The following ABHD2 variants were observed in gnomAD, a reference collection of about 807,000 sequenced individuals.
ABHD2 encodes monoacylglycerol lipase ABHD2.
ABHD2 carries 20 observed loss-of-function variants against 48.1 expected under a neutral mutation model. The observed-to-expected ratio is 0.42, with a 90% CI of 0.29 to 0.60. The LOEUF is 0.60. Among genes scored for constraint, ABHD2 ranks in the 20% least tolerant of loss-of-function variants. The pLI, the probability that ABHD2 is intolerant of heterozygous loss-of-function variation, is 0.24. For synonymous variants in ABHD2, 209 were observed against 214.2 expected, an observed-to-expected ratio of 0.98 and a Z score of 0.21; for missense variants, 405 against 550.9, an observed-to-expected ratio of 0.74 and a Z score of 2.65.
At chr15:89,043,804 G>A in the ABHD2 span, among the ~76,000 whole-genome samples, 1 of 152,070 alleles carries the variant, frequency 6.6e-6, no homozygotes, top group African/African-American at 2.4e-5. Context: ...CAATCTACAA[G>A]GTATATCAGC....
At position 89,188,091 on chromosome 15, in the gene ABHD2, C is replaced by T. The variant is rs1411070156; in HGVS notation, c.816-102C>T. On this transcript the variant is annotated intron_variant, in intron 7 of 10. Transcript: ENST00000352732. This position sits in a 1 kb window ranked among gnomAD's most constrained non-coding sequence, Gnocchi z 4.1. ...TAAAGGTTCTATTTCTAACTGACCA[C>T]GTTGGCTCTCCCTCCTGGCTTGCTG... 1.5e-5 allele frequency: 13 copies of T among 880,294 alleles called. No individual in the cohort carries two copies. Among genetic ancestry groups the T allele is most frequent in the South Asian group, 3.0e-5 (2 of 67,382 alleles). 54.5% of individuals were successfully genotyped at this position (880,294 alleles called of 1,614,324 possible). A position where few individuals can be genotyped will look rare whatever the true frequency, so the allele number is the denominator to read the frequency against.
chr15:89,172,581 C>T (rs1345501831), intron 5 of ABHD2, among the ~76,000 whole-genome samples: 4 of 152,220 alleles, frequency 2.6e-5, no homozygotes, highest in African/African-American at 7.2e-5. Context: ...CTGCTATAAA[C>T]ATGGGTATAC....
rs2051067177 is a variant in ABHD2 at position 89,179,226 on chromosome 15, A to G, written c.722+3231A>G. Among the ~76,000 whole-genome samples the G allele has an allele frequency of 6.6e-6, 1 of 152,230 alleles. No individual in the cohort carries two copies. Among genetic ancestry groups the G allele is most frequent in the South Asian group, 2.1e-4 (1 of 4,838 alleles). On this transcript the variant is annotated intron_variant, in intron 6 of 10. Coordinates refer to ENST00000352732, the MANE Select transcript of ABHD2 (RefSeq NM_152924.5). The surrounding 1 kb of genome is among the most constrained non-coding windows in gnomAD (Gnocchi z 4.3). Reference sequence around the variant, plus strand: ...GCCAGGGGCAGAAGCCCCTTACAGCAGGGGTCCCAACTGCTGTTAGGAACC... The same window carrying G: ...GCCAGGGGCAGAAGCCCCTTACAGCGGGGGTCCCAACTGCTGTTAGGAACC...
chr15:89,194,555 G>C (rs1266253786), intron 10 of ABHD2, among the ~76,000 whole-genome samples: 2 of 152,144 alleles, frequency 1.3e-5, no homozygotes, highest in East Asian at 3.8e-4. Flanking sequence ...GCAGCTTTAA[G>C]GATCTTGAAG....
chr15:89,119,183 C>A (rs956032433), intron 3 of ABHD2, among the ~76,000 whole-genome samples: 7 of 152,180 alleles, frequency 4.6e-5, no homozygotes, highest in Admixed American at 1.3e-4. Context: ...GGGACAAATT[C>A]TCCAGAACCA....
At chr15:89,172,269 A>G (rs2050942400) in intron 5 of ABHD2, among the ~76,000 whole-genome samples, 1 of 152,226 alleles carries the variant, frequency 6.6e-6, no homozygotes. Context: ...AACTAAAACT[A>G]TACCCATTAA....
intron 5 of ABHD2, among the ~76,000 whole-genome samples, chr15:89,170,683 C>A (rs1486088596): frequency 6.6e-6 from 1 of 152,168 alleles, no homozygotes; most frequent in Non-Finnish European, 1.5e-5. Flanking sequence ...GGGCCTGTTA[C>A]CCACACTTCT....
At chr15:89,049,852 G>A in the ABHD2 span, among the ~76,000 whole-genome samples, 1 of 152,206 alleles carries the variant, frequency 6.6e-6, no homozygotes, top group East Asian at 1.9e-4. Context: ...CCCATCTTTT[G>A]CATCGCTCAT....
rs540955944 is a variant in ABHD2, at chr15:89,128,155, T to C, written c.194+11634T>C. 3.9e-5 allele frequency among the ~76,000 whole-genome samples: 6 copies of C among 152,290 alleles called. No homozygotes were observed. In the East Asian group the frequency reaches 9.6e-4, roughly 24 times the overall value. On this transcript the variant is annotated intron_variant, in intron 3 of 10. Transcript: ENST00000352732. The stretch of plus-strand genomic sequence containing the variant: ...AACATGTGATTGACAGAGTGAGTAA[T>C]TCAGGTAAGTGATAAAGGAATTTAG...
At chr15:89,136,353 C>A in intron 3 of ABHD2, 1 of 523,462 alleles carries the variant, frequency 1.9e-6, no homozygotes, top group South Asian at 1.4e-5. Flanking sequence ...GGTCTTCCAC[C>A]TCTCTGAGCA....
rs145443146 is a variant in ABHD2, at chr15:89,127,722, C to CACATATAT, written c.194+11202_194+11203insCATATATA. ...ATATATATACATATATATATATACACATATATATATATATATATGTATATT... is the reference window on the plus strand; with the variant it reads ...ATATATATACATATATATATATACACACATATATATATATATATATATATATGTATATT... On this transcript the variant is annotated intron_variant, in intron 3 of 10. Transcript: ENST00000352732. Among the ~76,000 whole-genome samples, 572 of 133,118 alleles carry CACATATAT rather than the reference C, an allele frequency of 4.3e-3. 35 individuals are homozygous for CACATATAT. Among genetic ancestry groups the CACATATAT allele is most frequent in the African/African-American group, 0.017 (535 of 30,760 alleles). The allele number at this position is 133,118 out of a possible 152,430, so 87.3% of individuals were successfully genotyped here.
chr15:89,151,385 A>G lies in ABHD2; in HGVS notation c.195-292A>G, dbSNP rs879340470. Reference sequence around the variant, plus strand: ...ATATCACTTGCTTTCTTTTTATTCTATATTATGGAAATAAGCCATGTTGAA... The same window carrying G: ...ATATCACTTGCTTTCTTTTTATTCTGTATTATGGAAATAAGCCATGTTGAA... On this transcript the variant is annotated intron_variant, in intron 3 of 10. Coordinates refer to ENST00000352732, the MANE Select transcript of ABHD2 (RefSeq NM_152924.5). The surrounding 1 kb of genome is among the most constrained non-coding windows in gnomAD (Gnocchi z 4.7). Among the ~76,000 whole-genome samples the G allele has an allele frequency of 1.3e-5, 2 of 152,188 alleles. No individual in the cohort carries two copies. The highest frequency in any genetic ancestry group is 2.9e-5 in the Non-Finnish European group (2 of 68,036).
At chr15:89,060,177 A>G in the ABHD2 span, among the ~76,000 whole-genome samples, 26 of 139,640 alleles carry the variant, frequency 1.9e-4, no homozygotes, top group African/African-American at 5.8e-4. Flanking sequence ...TGCAACGTCC[A>G]TCTCCTAGGT....
the ABHD2 span, among the ~76,000 whole-genome samples, chr15:89,050,202 A>G: frequency 6.6e-6 from 1 of 152,194 alleles, no homozygotes; most frequent in Non-Finnish European, 1.5e-5. Context: ...CTGTCTCCCT[A>G]GTAGACCCCA....
At chr15:89,107,243 G>A (rs1202737828) in intron 1 of ABHD2, among the ~76,000 whole-genome samples, 1 of 152,152 alleles carries the variant, frequency 6.6e-6, no homozygotes, top group Non-Finnish European at 1.5e-5. Context: ...CTGTTTATGG[G>A]ACATGATGAT....
Position 89,102,441 on chromosome 15 carries a change from T to A in ABHD2, c.-106-11284T>A, listed in dbSNP as rs116205879. 3.3e-5 allele frequency: 5 copies of A among 152,234 alleles called. No individual in the cohort carries two copies. Among genetic ancestry groups the A allele is most frequent in the African/African-American group, 1.2e-4 (5 of 41,450 alleles). The allele number at this position is 152,234 out of a possible 1,614,324, so 9.4% of individuals were successfully genotyped here. A position where few individuals can be genotyped will look rare whatever the true frequency, so the allele number is the denominator to read the frequency against. The stretch of plus-strand genomic sequence containing the variant: ...CGTCCCTGTGGGGAGTGAGGTGGAA[T>A]GTCAGGAGGGCGTAGTTTGCAAAAC... On this transcript the variant is annotated intron_variant, in intron 1 of 10. Coordinates refer to ENST00000352732, the MANE Select transcript of ABHD2 (RefSeq NM_152924.5). This position sits in a 1 kb window ranked among gnomAD's most constrained non-coding sequence, Gnocchi z 4.8.
chr15:89,136,499 T>C (rs2050314646), intron 3 of ABHD2: 1 of 391,926 alleles, frequency 2.6e-6, no homozygotes, highest in Non-Finnish European at 5.0e-6. Flanking sequence ...TGCCCATGTT[T>C]AGTTATTTTT....
chr15:89,099,778 C>T (rs985258856), intron 1 of ABHD2, among the ~76,000 whole-genome samples: 1 of 151,850 alleles, frequency 6.6e-6, no homozygotes, highest in Middle Eastern at 3.2e-3. Context: ...GTAGTGCACA[C>T]CTGTGGTCCC....
the ABHD2 span, among the ~76,000 whole-genome samples, chr15:89,043,602 A>AGGAGGAGGAGACGAGGAGGCG: frequency 1.6e-5 from 2 of 126,478 alleles, no homozygotes; most frequent in African/African-American, 6.0e-5. Context: ...GGAGGAGGAG[A>AGGAGGAGGAGACGAGGAGGCG]GGAGGAGGAG....
Sources: gnomAD v4.1 joint callset for allele counts (sites outside exome capture counted in the v4.1 genomes callset) on GRCh38, gnomAD v4.1.1 for gene constraint, Gnocchi (gnomAD v3.1) non-coding constraint, MANE v1.5 for transcripts, NCBI Gene and HGNC (gene_info 2026-07-23, HGNC 2026-07-21) for gene names.